WDR76: variants seen among roughly 807,000 people sequenced by gnomAD.
WDR76 encodes the protein WD repeat domain 76.
In WDR76, 52 loss-of-function variants were observed where a neutral mutation model predicts 70.2. The observed-to-expected ratio is 0.74, with a 90% CI of 0.59 to 0.93. The LOEUF (loss-of-function observed/expected upper bound fraction) is 0.93. Ranked by LOEUF, WDR76 falls within the 40% of genes least tolerant of loss-of-function variation. The probability of loss-of-function intolerance (pLI) is 0.00; values close to 1 mark genes in which losing one functional copy is unlikely to be tolerated. For missense variants in WDR76, 756 were observed against 760.2 expected, an observed-to-expected ratio of 0.99 and a Z score of 0.07; for synonymous variants, 292 against 271.1, an observed-to-expected ratio of 1.08 and a Z score of -0.76.
rs750443720 is a variant in WDR76, at chr15:43,836,145, T to C, written c.553-16T>C. On this transcript the variant is annotated splice_polypyrimidine_tract_variant and intron_variant, in intron 3 of 12. Transcript: ENST00000263795. ...ACGTAGTTATAACATTTTTACATGA[T>C]TTTTATACTTTACAGTCTGCTGCAA... 5.0e-6 allele frequency: 8 copies of C among 1,598,596 alleles called. No individual in the cohort carries two copies. The highest frequency in any genetic ancestry group is 1.7e-6 in the Non-Finnish European group (2 of 1,174,308).
At chr15:43,852,644 A>G (rs1178123627) in intron 9 of WDR76, among the ~76,000 whole-genome samples, 1 of 152,152 alleles carries the variant, frequency 6.6e-6, no homozygotes, top group Non-Finnish European at 1.5e-5. Flanking sequence ...TGCTGGGATT[A>G]CAGCGTGAGC....
intron 2 of WDR76, among the ~76,000 whole-genome samples, chr15:43,833,991 C>T (rs181994732): frequency 7.2e-5 from 11 of 152,198 alleles, no homozygotes; most frequent in South Asian, 2.1e-4. Context: ...AGCAGTTTCT[C>T]GAACAATGAA....
chr15:43,852,881 A>G (rs529266256), intron 9 of WDR76, among the ~76,000 whole-genome samples: 12 of 151,606 alleles, frequency 7.9e-5, no homozygotes, highest in Admixed American at 4.6e-4. Flanking sequence ...TTGTGTTTCT[A>G]TTCTTTCTTT....
chr15:43,865,656 G>A (rs765340842), intron 12 of WDR76, among the ~76,000 whole-genome samples: 5 of 152,030 alleles, frequency 3.3e-5, no homozygotes, highest in African/African-American at 9.7e-5. Flanking sequence ...CACCTGCCTC[G>A]GCCTCCCAAA....
chr15:43,850,457 G>A (rs546413145), intron 8 of WDR76, among the ~76,000 whole-genome samples: 63 of 151,856 alleles, frequency 4.1e-4, no homozygotes, highest in African/African-American at 1.4e-3. Context: ...CACCACGCCC[G>A]GCTAGTTTTT....
chr15:43,861,380 C>G lies in WDR76; in HGVS notation c.1610C>G (p.Thr537Ser). 6.2e-7 allele frequency: 1 copy of G among 1,613,818 alleles called. No individual in the cohort carries two copies. Among genetic ancestry groups the G allele is most frequent in the Non-Finnish European group, 8.5e-7 (1 of 1,179,784 alleles). Residue 537 changes from threonine (T) to serine (S), a missense_variant, in exon 12 of 13, where the codon ACC becomes AGC. Thr to Ser is a moderately conservative substitution (Grantham distance 58, BLOSUM62 1). Coordinates refer to ENST00000263795, the MANE Select transcript of WDR76 (RefSeq NM_024908.4). ...CISSKIPLLT[T>S]IRHNTFTGRW... ...TCTTCTAAGATTCCGCTCCTCACCA[C>G]CATCAGGTAGGCTTCTATATGCCAA... is the stretch of plus-strand genomic sequence containing the variant.
intron 4 of WDR76, among the ~76,000 whole-genome samples, chr15:43,838,122 C>T (rs2087680923): frequency 6.6e-6 from 1 of 152,152 alleles, no homozygotes; most frequent in Admixed American, 6.6e-5. Flanking sequence ...ATCCGCCTGC[C>T]TCGGCCTCCC....
intron 12 of WDR76, among the ~76,000 whole-genome samples, chr15:43,862,276 C>CTTTTTTTTTTTTT: frequency 7.1e-5 from 3 of 42,152 alleles, no homozygotes; most frequent in East Asian, 6.9e-4. Flanking sequence ...TTATCAGTTT[C>CTTTTTTTTTTTTT]TTTTTTTTTT....
intron 8 of WDR76, among the ~76,000 whole-genome samples, chr15:43,848,989 A>G (rs934839489): frequency 6.6e-6 from 1 of 150,656 alleles, no homozygotes. Context: ...TGCTGTCTCA[A>G]CATGGTGAAA....
intron 9 of WDR76, among the ~76,000 whole-genome samples, chr15:43,855,538 A>G (rs1289716883): frequency 6.6e-6 from 1 of 152,202 alleles, no homozygotes; most frequent in East Asian, 1.9e-4. Context: ...ACTTGTTTTT[A>G]AAACTAAAAA....
intron 4 of WDR76, among the ~76,000 whole-genome samples, chr15:43,837,776 T>C (rs1200829478): frequency 6.6e-6 from 1 of 152,230 alleles, no homozygotes; most frequent in African/African-American, 2.4e-5. Flanking sequence ...TCCAGGTTAA[T>C]AGAAATTACG....
At chr15:43,861,447 C>T (rs1328788905) in intron 12 of WDR76, 61 bp downstream of exon 12, 2 of 1,406,394 alleles carry the variant, frequency 1.4e-6, no homozygotes, top group Non-Finnish European at 2.0e-6. Context: ...TGTTGCAGTG[C>T]ATACATTAGA....
intron 5 of WDR76, among the ~76,000 whole-genome samples, chr15:43,841,445 C>T (rs1229586551): frequency 1.3e-5 from 2 of 152,070 alleles, no homozygotes; most frequent in Non-Finnish European, 2.9e-5. Context: ...CTGCCCGCCT[C>T]GGCCTCCCAA....
intron 2 of WDR76, among the ~76,000 whole-genome samples, chr15:43,833,628 T>G (rs536984944): frequency 1.3e-4 from 20 of 151,290 alleles, no homozygotes; most frequent in African/African-American, 4.4e-4. Flanking sequence ...CCTTTCTTTT[T>G]TTTTTTTGTT....
intron 2 of WDR76, among the ~76,000 whole-genome samples, chr15:43,833,000 C>T (rs1163623281): frequency 1.3e-5 from 2 of 151,732 alleles, no homozygotes; most frequent in African/African-American, 4.8e-5. Flanking sequence ...AGTGATCTGC[C>T]TGGTGGCCTC....
intron 12 of WDR76, among the ~76,000 whole-genome samples, chr15:43,862,743 C>T (rs1325823755): frequency 2.0e-5 from 3 of 151,650 alleles, no homozygotes; most frequent in Admixed American, 6.6e-5. Flanking sequence ...CTCCTGACCT[C>T]GTGACCCACC....
intron 3 of WDR76, 122 bp downstream of exon 3, chr15:43,835,272 G>C: frequency 2.5e-6 from 2 of 791,762 alleles, no homozygotes; most frequent in South Asian, 3.2e-5. Context: ...TTCGAGATCA[G>C]CCTGGGTAAC....
At chr15:43,862,615 TCTC>T (rs1191391364) in intron 12 of WDR76, among the ~76,000 whole-genome samples, 1 of 151,568 alleles carries the variant, frequency 6.6e-6, no homozygotes. Flanking sequence ...TTCATGCCAT[TCTC>T]CTGCCTCAGC....
At chr15:43,852,180 C>T (rs776656626) in intron 9 of WDR76, among the ~76,000 whole-genome samples, 2 of 152,082 alleles carry the variant, frequency 1.3e-5, no homozygotes, top group Non-Finnish European at 2.9e-5. Flanking sequence ...ATAAGTTGAA[C>T]TTTTTTATTT....
Sources: allele counts gnomAD v4.1 joint callset (sites outside exome capture counted in the v4.1 genomes callset), GRCh38; gene constraint gnomAD v4.1.1; transcripts MANE v1.5; gene names NCBI Gene and HGNC (gene_info 2026-07-23, HGNC 2026-07-21).